Variants in KLHL28 observed in about 807,000 individuals in gnomAD.
The protein encoded by KLHL28 is kelch-like protein 28.
A neutral mutation model predicts 48.3 loss-of-function variants in KLHL28; 22 were observed. The observed-to-expected ratio is 0.46, with a 90% CI of 0.33 to 0.65. The LOEUF is 0.65. KLHL28 is among the 30% of genes least tolerant of loss of function. The probability of loss-of-function intolerance (pLI) is 0.03; values close to 1 mark genes in which losing one functional copy is unlikely to be tolerated. For synonymous variants in KLHL28, 243 were observed against 242.4 expected (o/e 1.00, Z -0.02); for missense variants, 527 against 704.3 (o/e 0.75, Z 2.85).
chr14:44,946,018 G>T, intron 1 of KLHL28, 90 bp from the exon 2 acceptor site: 1 of 1,040,292 alleles, frequency 9.6e-7, no homozygotes, highest in East Asian at 2.5e-5. Context: ...AATCAGATTT[G>T]TAATTTATTT....
intron 3 of KLHL28, among the ~76,000 whole-genome samples, chr14:44,933,658 A>G (rs1473816914): frequency 6.6e-6 from 1 of 152,218 alleles, no homozygotes; most frequent in East Asian, 1.9e-4. Flanking sequence ...CTGATGATAC[A>G]TGTATGATTA....
intron 3 of KLHL28, 44 bp from the exon 4 acceptor site, chr14:44,931,585 C>A: frequency 2.0e-6 from 3 of 1,478,820 alleles, no homozygotes; most frequent in South Asian, 2.4e-5. Flanking sequence ...TCTTTTGTGT[C>A]ATTCTTCCTG....
At chr14:44,931,631 G>A (rs1296520635) in intron 3 of KLHL28, 90 bp from the exon 4 acceptor site, 27 of 898,086 alleles carry the variant, frequency 3.0e-5, no homozygotes, top group Non-Finnish European at 3.4e-6. Flanking sequence ...AGCTTTAAAA[G>A]TTCACATAAT....
In KLHL28 at chr14:44,945,132, T is replaced by C. The variant is rs764541583; in HGVS notation, c.797A>G (p.His266Arg). ...EALKYHFMPEHRLSHQTVLMT... is the reference protein window; with the variant it reads ...EALKYHFMPERRLSHQTVLMT... ...CAAGACTGTCTGATGAGAGAGTCTATGTTCAGGCATAAAGTGGTACTTTAG... is the reference window on the plus strand; with the variant it reads ...CAAGACTGTCTGATGAGAGAGTCTACGTTCAGGCATAAAGTGGTACTTTAG... Residue 266 changes from histidine (H) to arginine (R), a missense_variant, in exon 2 of 5, where the codon CAT (histidine) becomes CGT (arginine). Coordinates refer to ENST00000396128, the MANE Select transcript of KLHL28 (RefSeq NM_017658.5). 19 of 1,613,902 alleles carry C rather than the reference T, an allele frequency of 1.2e-5. No homozygotes were observed. Among genetic ancestry groups the C allele is most frequent in the Non-Finnish European group, 1.6e-5 (19 of 1,179,882 alleles).
At chr14:44,952,281 C>A (rs1384036685) in intron 1 of KLHL28, among the ~76,000 whole-genome samples, 1 of 152,112 alleles carries the variant, frequency 6.6e-6, no homozygotes, top group Non-Finnish European at 1.5e-5. Flanking sequence ...GTTTTCAAAT[C>A]TGATCCTTGT....
chr14:44,957,182 G>A (rs1884827092), intron 1 of KLHL28, among the ~76,000 whole-genome samples: 1 of 152,108 alleles, frequency 6.6e-6, no homozygotes, highest in Admixed American at 6.5e-5. Context: ...AAAATAATAG[G>A]GGATGAGGTT....
chr14:44,941,668 A>G (rs1038673845), intron 2 of KLHL28, among the ~76,000 whole-genome samples: 18 of 150,662 alleles, frequency 1.2e-4, no homozygotes, highest in Non-Finnish European at 2.5e-4. Context: ...GAAATTACCC[A>G]CCAAAAGTCA....
intron 2 of KLHL28, among the ~76,000 whole-genome samples, chr14:44,935,077 C>G (rs902721176): frequency 6.6e-6 from 1 of 152,044 alleles, no homozygotes; most frequent in Non-Finnish European, 1.5e-5. Context: ...GGAAACAATC[C>G]AAATGTTTAT....
intron 2 of KLHL28, among the ~76,000 whole-genome samples, chr14:44,938,530 C>A (rs1357462432): frequency 2.0e-5 from 3 of 152,080 alleles, no homozygotes; most frequent in Non-Finnish European, 4.4e-5. Context: ...CACCACCACG[C>A]CCAGCTAATT....
intron 2 of KLHL28, 38 bp downstream of exon 2, chr14:44,944,992 C>T (rs1799923618): frequency 2.9e-6 from 4 of 1,372,354 alleles, no homozygotes; most frequent in Non-Finnish European, 3.0e-6. Flanking sequence ...AGCATAAAAT[C>T]AATTAGCATC....
At position 44,934,177 on chromosome 14, in the gene KLHL28, A is replaced by G; in HGVS notation, c.1281T>C (p.Ala427=). The G allele has an allele frequency of 6.2e-7, 1 of 1,614,202 alleles. No homozygotes were observed. The change falls in exon 3 of 5, where the codon GCT becomes GCC. Residue 427 remains alanine (A), a synonymous_variant. Coordinates refer to ENST00000396128, the MANE Select transcript of KLHL28 (RefSeq NM_017658.5). ...APMTTTRSCF[A]AAVLDGMIYA... ...ATATCATTCCATCCAATACCGCTGC[A>G]GCAAAACAACTTCTTGTTGTCGTCA...
Position 44,929,116 on chromosome 14 carries a change from A to G in KLHL28, c.1628T>C (p.Val543Ala). 1 of 1,614,012 alleles carries G rather than the reference A, an allele frequency of 6.2e-7. No homozygotes were observed. Among genetic ancestry groups the G allele is most frequent in the African/African-American group, 1.3e-5 (1 of 75,028 alleles). The part of the protein sequence containing the change: ...GHSGSSYLNT[V>A]QKYDPISDTW... ...ATCTGAGATAGGATCATATTTCTGC[A>G]CTGTATTCAGATAGGAAGACCCTGA... The change falls in exon 5 of 5, where the codon GTG (valine) becomes GCG (alanine). Residue 543 changes from valine (V) to alanine (A), a missense_variant. Transcript: ENST00000396128.
Position 44,931,479 on chromosome 14 carries a change from C to A in KLHL28, c.1406G>T (p.Arg469Met). ...CATGACACCCACGCCAAAGTGAATC[C>A]TTTTATCTGCCATGGATGCAACCAT... ...WEMVASMADK[R>M]IHFGVGVMLG... Residue 469 changes from arginine (R) to methionine (M), a missense_variant, in exon 4 of 5, where the codon AGG becomes ATG. Physicochemically the swap from Arg to Met is moderately conservative, Grantham distance 91. Transcript: ENST00000396128. 6.2e-7 allele frequency: 1 copy of A among 1,614,024 alleles called. No homozygotes were observed. The highest frequency in any genetic ancestry group is 8.5e-7 in the Non-Finnish European group (1 of 1,179,968).
chr14:44,934,170 C>T lies in KLHL28; in HGVS notation c.1288G>A (p.Val430Ile), dbSNP rs34373760. The T allele has an allele frequency of 5.9e-4, 954 of 1,614,114 alleles. 4 individuals are homozygous for T. The African/African-American group carries it at 0.012, about 19-fold the overall frequency. Residue 430 changes from valine to isoleucine, a missense_variant, in exon 3 of 5, where the codon GTA (valine) becomes ATA (isoleucine). Transcript: ENST00000396128. ...ATGGCATATATCATTCCATCCAATACCGCTGCAGCAAAACAACTTCTTGTT... is the reference window on the plus strand; with the variant it reads ...ATGGCATATATCATTCCATCCAATATCGCTGCAGCAAAACAACTTCTTGTT... ...TTTRSCFAAAVLDGMIYAIGG... is the reference protein window; with the variant it reads ...TTTRSCFAAAILDGMIYAIGG...
At chr14:44,942,818 A>C (rs753727708) in intron 2 of KLHL28, among the ~76,000 whole-genome samples, 1 of 152,136 alleles carries the variant, frequency 6.6e-6, no homozygotes, top group South Asian at 2.1e-4. Context: ...GGTTCTCTTT[A>C]ATGTTTCTAT....
intron 1 of KLHL28, among the ~76,000 whole-genome samples, chr14:44,955,808 C>G (rs886609683): frequency 3.3e-5 from 5 of 151,880 alleles, no homozygotes; most frequent in African/African-American, 1.2e-4. Flanking sequence ...TAAATACATC[C>G]TAGGTAGCAA....
At position 44,925,194 on chromosome 14, in the gene KLHL28, A is replaced by C. The variant is rs763378716; in HGVS notation, c.*3834T>G. Reference sequence around the variant, plus strand: ...GGTTATCACAAGTTTACTGAACTTTAAGCAGTAAGTGTTTATTGTAGAATC... The same window carrying C: ...GGTTATCACAAGTTTACTGAACTTTCAGCAGTAAGTGTTTATTGTAGAATC... On this transcript the variant is annotated 3_prime_UTR_variant, in exon 5 of 5. Transcript: ENST00000396128. 3 of 152,212 alleles carry C rather than the reference A, an allele frequency of 2.0e-5. No homozygotes were observed. Among genetic ancestry groups the C allele is most frequent in the Non-Finnish European group, 4.4e-5 (3 of 67,986 alleles). 9.4% of individuals were successfully genotyped at this position (152,212 alleles called of 1,614,324 possible).
rs148877153 is a variant in KLHL28, at chr14:44,936,670, G to C, written c.900-2112C>G. 3.3e-3 allele frequency among the ~76,000 whole-genome samples: 508 copies of C among 152,242 alleles called. 3 individuals are homozygous for C. Among genetic ancestry groups the C allele is most frequent in the African/African-American group, 0.012 (478 of 41,546 alleles). On this transcript the variant is annotated intron_variant, in intron 2 of 4. Transcript: ENST00000396128. ...TGAGACAAGTTAAAATGGGTATGTA[G>C]GTTTCTCCAGTTACATTCTGCTGCT...
intron 1 of KLHL28, among the ~76,000 whole-genome samples, chr14:44,958,676 T>C (rs1884903940): frequency 6.6e-6 from 1 of 152,260 alleles, no homozygotes. Flanking sequence ...GATGTGGTAA[T>C]GACTTTGAAC....
Sources: gnomAD v4.1 joint callset for allele counts (sites outside exome capture counted in the v4.1 genomes callset) on GRCh38, gnomAD v4.1.1 for gene constraint, MANE v1.5 for transcripts, NCBI Gene and HGNC (gene_info 2026-07-23, HGNC 2026-07-21) for gene names.